Variants in RSRC1 observed in about 807,000 individuals in gnomAD.
RSRC1 encodes arginine and serine rich coiled-coil 1.
A neutral mutation model predicts 49.1 loss-of-function variants in RSRC1; 39 were observed. That is an observed-to-expected ratio of 0.79 (90% confidence interval 0.61 to 1.04). RSRC1 has a LOEUF of 1.04. Among genes scored for constraint, RSRC1 ranks in the 50% least tolerant of loss-of-function variants. The pLI, the probability that RSRC1 is intolerant of heterozygous loss-of-function variation, is 0.00. For missense variants in RSRC1, 388 were observed against 402.4 expected, an observed-to-expected ratio of 0.96 and a Z score of 0.31; for synonymous variants, 143 against 130.8, an observed-to-expected ratio of 1.09 and a Z score of -0.63.
intron 6 of RSRC1, among the ~76,000 whole-genome samples, chr3:158,402,355 G>A (rs1007603779): frequency 2.6e-5 from 4 of 151,586 alleles, no homozygotes; most frequent in South Asian, 2.1e-4. Flanking sequence ...TATAAACTTC[G>A]TATGTCCATA....
Position 158,462,300 on chromosome 3 carries a change from A to T in RSRC1, c.652+1297A>T, listed in dbSNP as rs1057212524. On this transcript the variant is annotated intron_variant, in intron 7 of 9. Coordinates refer to ENST00000611884, the MANE Select transcript of RSRC1 (RefSeq NM_001271838.2). ...TAATGTGCCCATAGTACAAACAGAC[A>T]TAAGACTAAATGCAAATGTGTCTAA... is the stretch of plus-strand genomic sequence containing the variant. Among the ~76,000 whole-genome samples the T allele has an allele frequency of 2.6e-5, 4 of 151,980 alleles. No individual in the cohort carries two copies. The South Asian group carries it at 8.3e-4, about 31-fold the overall frequency.
At chr3:158,298,787 A>G (rs150932849) in intron 5 of RSRC1, among the ~76,000 whole-genome samples, 88 of 152,256 alleles carry the variant, frequency 5.8e-4, no homozygotes, top group African/African-American at 2.0e-3. Flanking sequence ...GTCAGATCCA[A>G]ATGTTGAATA....
chr3:158,211,561 AT>A (rs1721676024), intron 4 of RSRC1, among the ~76,000 whole-genome samples: 1 of 152,004 alleles, frequency 6.6e-6, no homozygotes, highest in South Asian at 2.1e-4. Flanking sequence ...AATTATTTGC[AT>A]TGCTATCAAT....
intron 6 of RSRC1, among the ~76,000 whole-genome samples, chr3:158,391,011 C>T (rs1337906095): frequency 1.3e-5 from 2 of 152,016 alleles, no homozygotes; most frequent in African/African-American, 4.8e-5. Flanking sequence ...TTGCAAATAA[C>T]AGTTGCGTAT....
intron 3 of RSRC1, among the ~76,000 whole-genome samples, chr3:158,158,922 G>A (rs530084788): frequency 7.0e-6 from 1 of 142,946 alleles, no homozygotes; most frequent in South Asian, 2.2e-4. Flanking sequence ...CTTGGCAACA[G>A]AGTGAGACTC....
intron 5 of RSRC1, among the ~76,000 whole-genome samples, chr3:158,330,363 G>T (rs551058550): frequency 3.5e-4 from 54 of 152,296 alleles, no homozygotes; most frequent in Non-Finnish European, 6.9e-4. Flanking sequence ...CAGCCATCTT[G>T]CTAATGTTCT....
At chr3:158,402,072 G>T (rs1733921325) in intron 6 of RSRC1, among the ~76,000 whole-genome samples, 1 of 151,830 alleles carries the variant, frequency 6.6e-6, no homozygotes, top group Non-Finnish European at 1.5e-5. Flanking sequence ...GCAAGAGCTG[G>T]ACTTTGAAAA....
chr3:158,306,792 A>G (rs191361493), intron 5 of RSRC1, among the ~76,000 whole-genome samples: 11 of 152,034 alleles, frequency 7.2e-5, no homozygotes, highest in African/African-American at 2.6e-4. Flanking sequence ...GGTAGTGACT[A>G]TATCATATCA....
chr3:158,144,485 T>C (rs1161494063), intron 3 of RSRC1, among the ~76,000 whole-genome samples: 1 of 152,206 alleles, frequency 6.6e-6, no homozygotes, highest in African/African-American at 2.4e-5. Flanking sequence ...TACGGCTGCA[T>C]AGTATTCCAT....
chr3:158,144,242 G>T (rs9846988), intron 3 of RSRC1, among the ~76,000 whole-genome samples: 2 of 151,802 alleles, frequency 1.3e-5, no homozygotes, highest in African/African-American at 4.8e-5. Flanking sequence ...CCATTAACTC[G>T]TCATTTACAT....
chr3:158,241,965 A>G (rs1723608681), intron 4 of RSRC1, among the ~76,000 whole-genome samples: 1 of 150,856 alleles, frequency 6.6e-6, no homozygotes, highest in South Asian at 2.1e-4. Context: ...TAAAATTACC[A>G]TCACATGATA....
chr3:158,438,775 T>G lies in RSRC1; in HGVS notation c.584-22160T>G, dbSNP rs1736195732. 2.0e-5 allele frequency among the ~76,000 whole-genome samples: 3 copies of G among 152,104 alleles called. No individual in the cohort carries two copies. In the South Asian group the frequency reaches 6.2e-4, roughly 32 times the overall value. ...TAGGCATGGGCAAGGACTTCATGTC[T>G]AAAACAGCAAAAGCAATGGCAACAA... On this transcript the variant is annotated intron_variant, in intron 6 of 9. Transcript: ENST00000611884.
At chr3:158,264,146 T>A (rs1183618469) in intron 4 of RSRC1, among the ~76,000 whole-genome samples, 1 of 152,170 alleles carries the variant, frequency 6.6e-6, no homozygotes, top group African/African-American at 2.4e-5. Context: ...TTCCAGCCTT[T>A]CAGCTTTTCT....
intron 3 of RSRC1, among the ~76,000 whole-genome samples, chr3:158,148,985 T>C (rs149118508): frequency 8.1e-4 from 123 of 152,286 alleles, no homozygotes; most frequent in African/African-American, 2.8e-3. Context: ...GGTTTCACCA[T>C]GTTGGTCAGG....
At chr3:158,434,849 A>G (rs1195729141) in intron 6 of RSRC1, among the ~76,000 whole-genome samples, 2 of 152,084 alleles carry the variant, frequency 1.3e-5, no homozygotes, top group Non-Finnish European at 1.5e-5. Context: ...AAAAGACATC[A>G]CATGGGGGTA....
intron 4 of RSRC1, among the ~76,000 whole-genome samples, chr3:158,253,160 G>A (rs761926591): frequency 1.3e-5 from 2 of 151,548 alleles, no homozygotes; most frequent in East Asian, 1.9e-4. Flanking sequence ...ATGATGTATC[G>A]CTGGCTTGTT....
chr3:158,278,587 G>A (rs1725951112), intron 4 of RSRC1, among the ~76,000 whole-genome samples: 1 of 152,164 alleles, frequency 6.6e-6, no homozygotes. Context: ...AAAACCGCTT[G>A]GACTCATTTG....
rs561467608 is a variant in RSRC1 at position 158,129,107 on chromosome 3, T to G, written c.320+5116T>G. Among the ~76,000 whole-genome samples, 3 of 152,088 alleles carry G rather than the reference T, an allele frequency of 2.0e-5. No individual in the cohort carries two copies. In the South Asian group the frequency reaches 6.2e-4, roughly 32 times the overall value. On this transcript the variant is annotated intron_variant, in intron 3 of 9. Transcript: ENST00000611884. ...GGGAGAGATATTTTCTAACTATAAG[T>G]ATTCTGCGCATCTCCTCAACCTTTC...
chr3:158,317,581 C>A (rs1728531382), intron 5 of RSRC1, among the ~76,000 whole-genome samples: 1 of 150,360 alleles, frequency 6.7e-6, no homozygotes, highest in South Asian at 2.1e-4. Flanking sequence ...ATTTGTGAGA[C>A]AGAGTCTCAC....
Sources: gnomAD v4.1 joint callset for allele counts (sites outside exome capture counted in the v4.1 genomes callset) on GRCh38, gnomAD v4.1.1 for gene constraint, MANE v1.5 for transcripts, NCBI Gene and HGNC (gene_info 2026-07-23, HGNC 2026-07-21) for gene names.